The following CSMD1 variants were observed in gnomAD, a reference collection of about 807,000 sequenced individuals.
CSMD1 encodes CUB and sushi domain-containing protein 1.
CSMD1 carries 213 observed loss-of-function variants against 417.5 expected under a neutral mutation model. That is an observed-to-expected ratio of 0.51 (90% CI 0.46 to 0.57). The LOEUF is 0.57. CSMD1 is among the 20% of genes least tolerant of loss of function. The pLI is 0.00. For missense variants in CSMD1, 6,923 were observed against 4,529.7 expected (o/e 1.53, Z -15.17); for synonymous variants, 2,862 against 1,736.8 (o/e 1.65, Z -16.11).
intron 51 of CSMD1, among the ~76,000 whole-genome samples, chr8:3,022,042 TCCACAG>T (rs1809466127): frequency 1.6e-5 from 1 of 63,856 alleles, no homozygotes; most frequent in Admixed American, 1.7e-4. Context: ...CAATCCCACA[TCCACAG>T]CATCCGGAAT....
At chr8:3,925,613 C>T (rs6984485) in intron 5 of CSMD1, among the ~76,000 whole-genome samples, 12,649 of 151,976 alleles carry the variant, frequency 0.083, 1,613 homozygotes, top group African/African-American at 0.27. Flanking sequence ...ATTCTCGCAA[C>T]AGTGAATAAG....
intron 5 of CSMD1, among the ~76,000 whole-genome samples, chr8:3,769,835 A>G (rs1037447895): frequency 6.6e-5 from 10 of 152,188 alleles, no homozygotes; most frequent in African/African-American, 2.4e-4. Context: ...CAGCACTTTT[A>G]TTTCACAGGA....
In CSMD1 at chr8:4,518,644, A is replaced by G. The variant is rs1436430776; in HGVS notation, c.303-98579T>C. 3.3e-5 allele frequency among the ~76,000 whole-genome samples: 5 copies of G among 151,424 alleles called. No individual in the cohort carries two copies. In the East Asian group the frequency reaches 9.8e-4, roughly 30 times the overall value. ...GGTGGGGGGCGGGGGGAGGAATCGC[A>G]TTAGGAGATATACCTAATGCTAAAT... On this transcript the variant is annotated intron_variant, in intron 2 of 69. Transcript: ENST00000635120.
intron 1 of CSMD1, among the ~76,000 whole-genome samples, chr8:4,803,293 A>T (rs4143928): frequency 0.25 from 38,413 of 152,134 alleles, 5,320 homozygotes; most frequent in East Asian, 0.37. Context: ...TCGATAAAGC[A>T]ATTCCCTTTA....
At chr8:4,986,838 G>A (rs1465341551) in intron 1 of CSMD1, among the ~76,000 whole-genome samples, 2 of 152,156 alleles carry the variant, frequency 1.3e-5, no homozygotes, top group Admixed American at 6.6e-5. Context: ...TATTCTTCAT[G>A]AAATCAGTGT....
intron 5 of CSMD1, among the ~76,000 whole-genome samples, chr8:3,933,555 G>A (rs1356801101): frequency 6.6e-6 from 1 of 152,098 alleles, no homozygotes; most frequent in African/African-American, 2.4e-5. Context: ...GAGAGTCCTG[G>A]CAAAACAGGA....
At chr8:3,834,502 G>C (rs1563127440) in intron 5 of CSMD1, among the ~76,000 whole-genome samples, 2 of 152,194 alleles carry the variant, frequency 1.3e-5, no homozygotes, top group Non-Finnish European at 2.9e-5. Flanking sequence ...CGGTACTTAA[G>C]GGGAGAAACG....
At chr8:4,808,269 T>C (rs1024062724) in intron 1 of CSMD1, among the ~76,000 whole-genome samples, 3 of 152,162 alleles carry the variant, frequency 2.0e-5, no homozygotes, top group Non-Finnish European at 4.4e-5. Context: ...TTACTACAGA[T>C]GCTGGTTGAA....
At chr8:3,996,734 G>A (rs751933818) in intron 5 of CSMD1, among the ~76,000 whole-genome samples, 4 of 152,130 alleles carry the variant, frequency 2.6e-5, no homozygotes, top group Non-Finnish European at 5.9e-5. Context: ...GGTAGAATTT[G>A]TTTGGTTTCT....
chr8:4,953,825 G>A (rs768079094), intron 1 of CSMD1, among the ~76,000 whole-genome samples: 1 of 152,052 alleles, frequency 6.6e-6, no homozygotes, highest in Non-Finnish European at 1.5e-5. Context: ...TCTGCCACAG[G>A]AAGAATTATC....
chr8:3,313,575 C>A lies in CSMD1; in HGVS notation c.3632-5072G>T, dbSNP rs57602523. Reference sequence around the variant, plus strand: ...AACCACAATAAGATACTATCTCACACGAGTTAGAATGGCAAGCAATCAATC... The same window carrying A: ...AACCACAATAAGATACTATCTCACAAGAGTTAGAATGGCAAGCAATCAATC... On this transcript the variant is annotated intron_variant, in intron 23 of 69. Coordinates refer to ENST00000635120, the MANE Select transcript of CSMD1 (RefSeq NM_033225.6). Among the ~76,000 whole-genome samples the A allele has an allele frequency of 7.9e-5, 12 of 152,304 alleles. No homozygotes were observed. In the South Asian group the frequency reaches 8.3e-4, roughly 11 times the overall value.
intron 3 of CSMD1, among the ~76,000 whole-genome samples, chr8:4,130,138 T>A (rs925737957): frequency 1.3e-5 from 2 of 152,132 alleles, no homozygotes; most frequent in Non-Finnish European, 2.9e-5. Context: ...TAAATCAAGC[T>A]TGCTTATTTT....
chr8:3,873,551 G>A lies in CSMD1; in HGVS notation c.819-119509C>T, dbSNP rs147275218. Among the ~76,000 whole-genome samples the A allele has an allele frequency of 2.0e-3, 301 of 152,190 alleles. 1 individual carries two copies. The highest frequency in any genetic ancestry group is 6.7e-3 in the African/African-American group (279 of 41,522). Reference sequence around the variant, plus strand: ...GGAAAAACAGACACTGAGACCTACTGCAGGGTGGACGGTGGGAGGAGGGAG... The same window carrying A: ...GGAAAAACAGACACTGAGACCTACTACAGGGTGGACGGTGGGAGGAGGGAG... On this transcript the variant is annotated intron_variant, in intron 5 of 69. Transcript: ENST00000635120.
chr8:4,088,284 TG>T lies in CSMD1; in HGVS notation c.416-56186del, dbSNP rs1417385727. On this transcript the variant is annotated intron_variant, in intron 3 of 69. Coordinates refer to ENST00000635120, the MANE Select transcript of CSMD1 (RefSeq NM_033225.6). ...GTCGTGTTCCCACTTCTCAATTGCA[TG>T]GCCATTGAATACAGCCTGCAAAGCT... Among the ~76,000 whole-genome samples, 3 of 152,258 alleles carry T rather than the reference TG, an allele frequency of 2.0e-5. No individual in the cohort carries two copies. The South Asian group carries it at 6.2e-4, about 32-fold the overall frequency.
intron 68 of CSMD1, 111 bp from the exon 69 acceptor site, chr8:2,942,715 C>A: frequency 6.5e-6 from 5 of 773,538 alleles, no homozygotes; most frequent in Non-Finnish European, 9.3e-6. Flanking sequence ...GACGGAGTTG[C>A]CATTTCACAG....
intron 3 of CSMD1, among the ~76,000 whole-genome samples, chr8:4,200,539 A>G (rs1228646409): frequency 4.6e-5 from 7 of 152,130 alleles, no homozygotes; most frequent in Non-Finnish European, 8.8e-5. Context: ...ATTAATATAA[A>G]TGCCTGCTGT....
intron 7 of CSMD1, among the ~76,000 whole-genome samples, chr8:3,681,631 T>C (rs930683808): frequency 3.3e-5 from 5 of 152,140 alleles, no homozygotes; most frequent in South Asian, 4.1e-4. Context: ...AATTTATAGA[T>C]TCAATGCCAT....
At chr8:4,592,237 T>C (rs752108671) in intron 2 of CSMD1, among the ~76,000 whole-genome samples, 10 of 151,368 alleles carry the variant, frequency 6.6e-5, no homozygotes, top group African/African-American at 1.9e-4. Flanking sequence ...TATTATCTTA[T>C]CTAGTTGCAG....
intron 10 of CSMD1, among the ~76,000 whole-genome samples, chr8:3,540,036 T>G (rs1025834742): frequency 6.6e-6 from 1 of 152,220 alleles, no homozygotes; most frequent in Admixed American, 6.5e-5. Context: ...TTGTGTCTGC[T>G]GCTGTGTGCA....
Sources: allele counts gnomAD v4.1 joint callset (sites outside exome capture counted in the v4.1 genomes callset), GRCh38; gene constraint gnomAD v4.1.1; transcripts MANE v1.5; gene names NCBI Gene and HGNC (gene_info 2026-07-23, HGNC 2026-07-21).